Variants in STX12 observed in about 807,000 individuals in gnomAD.
STX12 encodes syntaxin 12.
In STX12, 17 loss-of-function variants were observed where a neutral mutation model predicts 42.2. The ratio of observed to expected loss-of-function variants is 0.40; its 90% CI spans 0.28 to 0.60. STX12 has a LOEUF of 0.60. STX12 is among the 20% of genes least tolerant of loss of function. STX12 has a pLI of 0.39. For synonymous variants in STX12, 108 were observed against 116.7 expected, an observed-to-expected ratio of 0.93 and a Z score of 0.48; for missense variants, 297 against 330.9, an observed-to-expected ratio of 0.90 and a Z score of 0.79.
chr1:27,782,641 C>A (rs747923285), intron 1 of STX12, among the ~76,000 whole-genome samples: 1 of 152,040 alleles, frequency 6.6e-6, no homozygotes, highest in Non-Finnish European at 1.5e-5. Flanking sequence ...AGTTCGAGAC[C>A]AGCCTCGCTA....
rs974201320 is a variant in STX12 at position 27,789,565 on chromosome 1, C to T, written c.122C>T (p.Ala41Val). 1.9e-6 allele frequency: 3 copies of T among 1,613,052 alleles called. No homozygotes were observed. The highest frequency in any genetic ancestry group is 2.5e-6 in the Non-Finnish European group (3 of 1,179,374). The change falls in exon 2 of 9, where the codon GCT (alanine) becomes GTT (valine). Residue 41 changes from alanine (A) to valine (V), a missense_variant. Transcript: ENST00000373943. ...GNIQRISQAT[A>V]QIKNLMSQLG... ...CTTTTTCTTCCTATCTCCCCAGCTG[C>T]TCAGATAAAGAATTTGATGAGCCAG...
chr1:27,809,704 C>A lies in STX12; in HGVS notation c.427-542C>A, dbSNP rs188984532. Among the ~76,000 whole-genome samples, 374 of 152,032 alleles carry A rather than the reference C, an allele frequency of 2.5e-3. 1 individual carries two copies. The highest frequency in any genetic ancestry group is 3.6e-3 in the Non-Finnish European group (243 of 67,980). ...TGAACTCCTGACCTTGTGATCTGCC[C>A]ACCTCAGCCTCCCAAAGTGCTGGGA... On this transcript the variant is annotated intron_variant, in intron 4 of 8. Transcript: ENST00000373943.
At chr1:27,812,025 C>T (rs2088906280) in intron 5 of STX12, 138 bp from the exon 6 acceptor site, 1 of 748,296 alleles carries the variant, frequency 1.3e-6, no homozygotes, top group African/African-American at 1.7e-5. Context: ...ATGTGGCCCT[C>T]CAAGACTTTA....
At chr1:27,798,265 TCACACC>T (rs1419276674) in intron 3 of STX12, among the ~76,000 whole-genome samples, 1 of 152,094 alleles carries the variant, frequency 6.6e-6, no homozygotes, top group Non-Finnish European at 1.5e-5. Flanking sequence ...GCACAGTGGT[TCACACC>T]TGTAATCCCA....
chr1:27,808,591 C>G (rs1429789200), intron 4 of STX12, among the ~76,000 whole-genome samples: 1 of 152,096 alleles, frequency 6.6e-6, no homozygotes, highest in East Asian at 1.9e-4. Context: ...ATCTGCCCAC[C>G]TCGGCCTCTC....
Position 27,777,364 on chromosome 1 carries a change from G to A in STX12, c.118+3939G>A, listed in dbSNP as rs571219346. Among the ~76,000 whole-genome samples the A allele has an allele frequency of 1.4e-4, 21 of 152,312 alleles. 1 individual carries two copies. In the South Asian group the frequency reaches 4.3e-3, roughly 32 times the overall value. ...AGGACTTTGATGTGTTCAAAGAAGA[G>A]CAAGGAGGCTAGTTTGGCTGGAGTA... is the stretch of plus-strand genomic sequence containing the variant. On this transcript the variant is annotated intron_variant, in intron 1 of 8. Coordinates refer to ENST00000373943, the MANE Select transcript of STX12 (RefSeq NM_177424.3).
chr1:27,800,049 C>G (rs1244476459), intron 3 of STX12, among the ~76,000 whole-genome samples: 7 of 152,256 alleles, frequency 4.6e-5, no homozygotes, highest in African/African-American at 1.7e-4. Context: ...GCTACTGCGC[C>G]CGGCCTAGCT....
intron 1 of STX12, among the ~76,000 whole-genome samples, chr1:27,786,172 A>G (rs1266288742): frequency 6.6e-6 from 1 of 152,148 alleles, no homozygotes; most frequent in Non-Finnish European, 1.5e-5. Flanking sequence ...AAGGCCCTAT[A>G]CAATCTGGGT....
chr1:27,790,179 G>GAGTT (rs1172099787), intron 2 of STX12, among the ~76,000 whole-genome samples: 1 of 152,186 alleles, frequency 6.6e-6, no homozygotes, highest in East Asian at 1.9e-4. Context: ...ATTGTGTCTG[G>GAGTT]AGTTAGTTCC....
chr1:27,822,113 C>T, intron 8 of STX12, 118 bp from the exon 9 acceptor site: 4 of 670,720 alleles, frequency 6.0e-6, no homozygotes, highest in Non-Finnish European at 8.1e-6. Context: ...CATAATTTTG[C>T]ATGGATAGAG....
At chr1:27,798,780 CAAAAAAAAAAA>C (rs61253983) in intron 3 of STX12, among the ~76,000 whole-genome samples, 6 of 54,522 alleles carry the variant, frequency 1.1e-4, no homozygotes, top group African/African-American at 3.8e-4. Flanking sequence ...GACTCCGTCT[CAAAAAAAAAAA>C]AAAAAAAAAA....
chr1:27,795,959 G>A (rs2088782973), intron 3 of STX12, among the ~76,000 whole-genome samples: 1 of 152,136 alleles, frequency 6.6e-6, no homozygotes, highest in African/African-American at 2.4e-5. Flanking sequence ...AGGAGTTGAA[G>A]GGTCTAATGC....
At chr1:27,807,615 G>T (rs2088872067) in intron 4 of STX12, among the ~76,000 whole-genome samples, 1 of 152,204 alleles carries the variant, frequency 6.6e-6, no homozygotes, top group African/African-American at 2.4e-5. Context: ...GGTGGTATAA[G>T]TTAGAACAAC....
chr1:27,782,816 AAG>A (rs1381371101), intron 1 of STX12, among the ~76,000 whole-genome samples: 1 of 152,202 alleles, frequency 6.6e-6, no homozygotes, highest in African/African-American at 2.4e-5. Context: ...AACCTGGGCA[AAG>A]AGAGCAAAGC....
intron 6 of STX12, 109 bp downstream of exon 6, chr1:27,812,377 A>G: frequency 1.3e-6 from 1 of 794,284 alleles, no homozygotes; most frequent in Non-Finnish European, 2.0e-6. Flanking sequence ...AAAATGTGTC[A>G]TTGTGTGATT....
chr1:27,815,190 C>T (rs1467344271), intron 6 of STX12, among the ~76,000 whole-genome samples: 2 of 152,126 alleles, frequency 1.3e-5, no homozygotes, highest in African/African-American at 2.4e-5. Flanking sequence ...GGGAGGGAGT[C>T]CTGGAACCAA....
intron 5 of STX12, among the ~76,000 whole-genome samples, chr1:27,811,090 C>T (rs979067837): frequency 3.3e-5 from 5 of 151,670 alleles, no homozygotes; most frequent in Non-Finnish European, 7.4e-5. Flanking sequence ...GAGGCCGAGG[C>T]GGGTGGATCA....
chr1:27,775,518 C>A (rs1188279874), intron 1 of STX12, among the ~76,000 whole-genome samples: 1 of 152,206 alleles, frequency 6.6e-6, no homozygotes, highest in Non-Finnish European at 1.5e-5. Flanking sequence ...GTGATCCACC[C>A]ACCTTGGCCT....
At chr1:27,819,877 T>C in intron 8 of STX12, 145 bp downstream of exon 8, 1 of 607,400 alleles carries the variant, frequency 1.6e-6, no homozygotes, top group East Asian at 3.0e-5. Context: ...AGTTCCATTT[T>C]TATTATTTTC....
Sources: gnomAD v4.1 joint callset for allele counts (sites outside exome capture counted in the v4.1 genomes callset) on GRCh38, gnomAD v4.1.1 for gene constraint, MANE v1.5 for transcripts, NCBI Gene and HGNC (gene_info 2026-07-23, HGNC 2026-07-21) for gene names.